KATNIP: variants seen among roughly 807,000 people sequenced by gnomAD.
The protein encoded by KATNIP is katanin interacting protein.
In KATNIP, 126 loss-of-function variants were observed where a neutral mutation model predicts 174.0. That is an observed-to-expected ratio of 0.72 (90% CI 0.63 to 0.84). The LOEUF (loss-of-function observed/expected upper bound fraction) is 0.84. Among genes scored for constraint, KATNIP ranks in the 40% least tolerant of loss-of-function variants. The pLI is 0.00. For synonymous variants in KATNIP, 810 were observed against 835.7 expected (o/e 0.97, Z 0.53); for missense variants, 1,958 against 2,109.7 (o/e 0.93, Z 1.41).
intron 14 of KATNIP, among the ~76,000 whole-genome samples, chr16:27,733,931 C>G (rs2080798678): frequency 1.3e-5 from 2 of 152,060 alleles, no homozygotes; most frequent in Non-Finnish European, 1.5e-5. Context: ...GGTATAATGA[C>G]ACTTATGCGG....
intron 18 of KATNIP, chr16:27,754,820 A>G (rs1405629154): frequency 6.6e-6 from 1 of 152,168 alleles, no homozygotes; most frequent in Admixed American, 6.6e-5. Flanking sequence ...GAATTTTCTC[A>G]TGTTTTAAAA....
intron 2 of KATNIP, among the ~76,000 whole-genome samples, chr16:27,576,109 T>G (rs1355087771): frequency 1.3e-5 from 2 of 152,186 alleles, no homozygotes; most frequent in East Asian, 3.8e-4. Context: ...AGCAGCATCC[T>G]ATTTCTCCAC....
At chr16:27,598,649 A>G (rs773752264) in intron 2 of KATNIP, among the ~76,000 whole-genome samples, 28 of 152,348 alleles carry the variant, frequency 1.8e-4, no homozygotes, top group Non-Finnish European at 3.5e-4. Flanking sequence ...CATTCGGTTC[A>G]CAGTACATTT....
intron 2 of KATNIP, among the ~76,000 whole-genome samples, chr16:27,600,786 G>A (rs1400463578): frequency 6.6e-6 from 1 of 150,840 alleles, no homozygotes; most frequent in Non-Finnish European, 1.5e-5. Context: ...CAGGAGTGCA[G>A]TGGCGCAATC....
In KATNIP at chr16:27,740,510, A is replaced by T. The variant is rs199708748; in HGVS notation, c.2213A>T (p.Asn738Ile). The change falls in exon 15 of 28, where the codon AAC (asparagine) becomes ATC (isoleucine). Residue 738 changes from asparagine to isoleucine, a missense_variant. By Grantham distance (149) the Asn-to-Ile change is moderately radical. Transcript: ENST00000261588. ...CCCTCTCTCATCCAACAACTGGAAA[A>T]CCTCATGGGCAGAAAAATCTGTGAG... ...EEPSLIQQLE[N>I]LMGRKICEPP... is the part of the protein sequence containing the mutation. The T allele has an allele frequency of 4.3e-6, 7 of 1,613,980 alleles. No homozygotes were observed. The highest frequency in any genetic ancestry group is 5.9e-6 in the Non-Finnish European group (7 of 1,179,980).
chr16:27,738,761 G>A (rs1341517601), intron 14 of KATNIP, among the ~76,000 whole-genome samples: 3 of 152,184 alleles, frequency 2.0e-5, no homozygotes, highest in South Asian at 2.1e-4. Context: ...GTCCTCACAC[G>A]GCATCCTCCT....
At chr16:27,748,681 G>A (rs75703457) in intron 15 of KATNIP, among the ~76,000 whole-genome samples, 1,681 of 151,884 alleles carry the variant, frequency 0.011, 31 homozygotes, top group African/African-American at 0.038. Flanking sequence ...GTACTCGGGG[G>A]GCTGAAGCGG....
At position 27,595,926 on chromosome 16, in the gene KATNIP, G is replaced by A. The variant is rs532328647; in HGVS notation, c.63+21970G>A. On this transcript the variant is annotated intron_variant, in intron 2 of 27. Transcript: ENST00000261588. The stretch of plus-strand genomic sequence containing the variant: ...CAGAGGGAACAGCAAGGGCAAAATC[G>A]CGGGGACAGGGGACATCCGTGTGGC... 5.3e-5 allele frequency among the ~76,000 whole-genome samples: 8 copies of A among 152,256 alleles called. 1 individual carries two copies. In the East Asian group the frequency reaches 9.7e-4, roughly 18 times the overall value.
Position 27,560,498 on chromosome 16 carries a change from T to G in KATNIP, c.7+10321T>G, listed in dbSNP as rs115064856. On this transcript the variant is annotated intron_variant, in intron 1 of 27. Transcript: ENST00000261588. ...ATCTGGTGCTCACTTCTTCCATTGA[T>G]CATATTGGCCTCCTTTGCAGGCATC... 7.0e-3 allele frequency among the ~76,000 whole-genome samples: 1,059 copies of G among 152,204 alleles called. 15 individuals carry two copies. The highest frequency in any genetic ancestry group is 0.024 in the African/African-American group (1,005 of 41,522).
At chr16:27,677,601 G>A (rs1346820565) in intron 6 of KATNIP, 128 bp from the exon 7 acceptor site, 3 of 965,372 alleles carry the variant, frequency 3.1e-6, no homozygotes, top group Non-Finnish European at 4.5e-6. Context: ...GACATCACAA[G>A]GGTTGAGATA....
rs745513773 is a variant in KATNIP, at chr16:27,740,056, G to A, written c.1759G>A (p.Ala587Thr). 3 of 1,611,866 alleles carry A rather than the reference G, an allele frequency of 1.9e-6. No individual in the cohort carries two copies. The highest frequency in any genetic ancestry group is 2.5e-6 in the Non-Finnish European group (3 of 1,178,360). The change falls in exon 15 of 28, where the codon GCC (alanine) becomes ACC (threonine). Residue 587 changes from alanine (A) to threonine (T), a missense_variant. Coordinates refer to ENST00000261588, the MANE Select transcript of KATNIP (RefSeq NM_015202.5). The stretch of plus-strand genomic sequence containing the variant: ...ATGGTTTCAGGATCTTGACATTGGT[G>A]CCAAGAACGTGAAGCTTTACGTCAA... ...WTADGDLDIG[A>T]KNVKLYVNRN...
At chr16:27,721,103 T>C (rs1376740799) in intron 13 of KATNIP, among the ~76,000 whole-genome samples, 1 of 152,228 alleles carries the variant, frequency 6.6e-6, no homozygotes, top group East Asian at 1.9e-4. Flanking sequence ...ACGACTGAGC[T>C]AGTAGCTTTC....
intron 8 of KATNIP, chr16:27,687,540 C>T (rs1389094516): frequency 6.6e-6 from 1 of 152,188 alleles, no homozygotes; most frequent in Non-Finnish European, 1.5e-5. Flanking sequence ...TCATTCCTTT[C>T]TATCACTGCA....
chr16:27,629,756 G>A (rs2142153530), intron 4 of KATNIP, among the ~76,000 whole-genome samples: 1 of 152,346 alleles, frequency 6.6e-6, no homozygotes, highest in East Asian at 1.9e-4. Flanking sequence ...GCTCAGGCCT[G>A]TAATCCCAGC....
intron 6 of KATNIP, among the ~76,000 whole-genome samples, chr16:27,651,433 A>G (rs938236527): frequency 3.4e-5 from 5 of 146,048 alleles, no homozygotes; most frequent in Admixed American, 6.9e-5. Context: ...CTGAACAGGG[A>G]AAAAAAAAAA....
intron 13 of KATNIP, among the ~76,000 whole-genome samples, chr16:27,712,130 G>A (rs1337709613): frequency 1.3e-5 from 2 of 152,222 alleles, no homozygotes; most frequent in African/African-American, 2.4e-5. Context: ...CTGTTTAGCA[G>A]AGACTGGGGC....
At position 27,776,873 on chromosome 16, in the gene KATNIP, C is replaced by T; in HGVS notation, c.4450-55C>T. 1 of 1,335,484 alleles carries T rather than the reference C, an allele frequency of 7.5e-7. No individual in the cohort carries two copies. The highest frequency in any genetic ancestry group is 1.2e-5 in the South Asian group (1 of 84,810). 82.7% of individuals were successfully genotyped at this position (1,335,484 alleles called of 1,614,324 possible). A position where few individuals can be genotyped will look rare whatever the true frequency, so the allele number is the denominator to read the frequency against. ...CCCACGCCTGGCACCCCCAGCCCAG[C>T]CAAGCGCCTCTGTTTCCAAACATGC... On this transcript the variant is annotated intron_variant, in intron 24 of 27. Transcript: ENST00000261588. This position sits in a 1 kb window ranked among gnomAD's most constrained non-coding sequence, Gnocchi z 4.7.
At chr16:27,586,706 G>A (rs1225983864) in intron 2 of KATNIP, among the ~76,000 whole-genome samples, 1 of 151,910 alleles carries the variant, frequency 6.6e-6, no homozygotes, top group Non-Finnish European at 1.5e-5. Flanking sequence ...TTGCATGCCT[G>A]TAGTCCCAGC....
intron 22 of KATNIP, among the ~76,000 whole-genome samples, chr16:27,772,776 C>T (rs922130920): frequency 1.3e-5 from 2 of 152,104 alleles, no homozygotes; most frequent in African/African-American, 4.8e-5. Context: ...AGCACCCTCT[C>T]CTCCCGTCCT....
Sources: gnomAD v4.1 joint callset for allele counts (sites outside exome capture counted in the v4.1 genomes callset) on GRCh38, gnomAD v4.1.1 for gene constraint, Gnocchi (gnomAD v3.1) non-coding constraint, MANE v1.5 for transcripts, NCBI Gene and HGNC (gene_info 2026-07-23, HGNC 2026-07-21) for gene names.